CYTH2: variants seen among roughly 807,000 people sequenced by gnomAD.
CYTH2 encodes cytohesin-2.
CYTH2 carries 24 observed loss-of-function variants against 55.4 expected under a neutral mutation model. The observed-to-expected ratio is 0.43, with a 90% CI of 0.31 to 0.61. The LOEUF is 0.61. Among genes scored for constraint, CYTH2 ranks in the 20% least tolerant of loss-of-function variants. CYTH2 has a pLI of 0.08. For missense variants in CYTH2, 378 were observed against 533.5 expected (o/e 0.71, Z 2.87); for synonymous variants, 221 against 209.6 (o/e 1.05, Z -0.47).
intron 1 of CYTH2, 89 bp from the exon 2 acceptor site, chr19:48,470,264 C>T (rs1478197115): frequency 1.3e-5 from 20 of 1,514,252 alleles, no homozygotes; most frequent in Non-Finnish European, 1.6e-5. Context: ...CCTTACACAT[C>T]CTCTCCCAGC....
rs761211198 is a variant in CYTH2, at chr19:48,478,572, C to T, written c.1092C>T (p.Asp364=). 83 of 1,612,254 alleles carry T rather than the reference C, an allele frequency of 5.1e-5. No homozygotes were observed. The highest frequency in any genetic ancestry group is 1.8e-4 in the East Asian group (8 of 44,776). ...CGGCCCCCACGCAGGAGGAGAAGGA[C>T]GAGTGGATCAAGTCCATCCAGTGAG... ...RISAPTQEEK[D]EWIKSIQAAV... Residue 364 remains aspartate, a synonymous_variant, in exon 11 of 12, where the codon GAC becomes GAT. Transcript: ENST00000452733.
At position 48,477,779 on chromosome 19, in the gene CYTH2, C is replaced by T. The variant is rs185165136; in HGVS notation, c.809-290C>T. 1.3e-3 allele frequency: 593 copies of T among 453,738 alleles called. 6 individuals carry two copies. Among genetic ancestry groups the T allele is most frequent in the African/African-American group, 0.011 (545 of 51,312 alleles). The allele number at this position is 453,738 out of a possible 1,614,324, so 28.1% of individuals were successfully genotyped here. On this transcript the variant is annotated intron_variant, in intron 8 of 11. Transcript: ENST00000452733. ...AGACGAGGGGAGGGGGCTGCCCTGG[C>T]GCCCTGGCGCCCTGGCCTCCTGCCC... is the stretch of plus-strand genomic sequence containing the variant.
chr19:48,476,395 A>G (rs1307318165), intron 8 of CYTH2: 2 of 167,032 alleles, frequency 1.2e-5, no homozygotes, highest in Admixed American at 6.3e-5. Flanking sequence ...ACAGAGCGAG[A>G]CCCCGTCTCT....
Position 48,474,147 on chromosome 19 carries a change from G to A in CYTH2, c.548-35G>A, listed in dbSNP as rs1465038907. The stretch of plus-strand genomic sequence containing the variant: ...GAATGGGGGCACTGGGGACTGACAT[G>A]CCTGGGTCGTCACCACCTGCCCTGT... On this transcript the variant is annotated intron_variant, in intron 6 of 11. Coordinates refer to ENST00000452733, the MANE Select transcript of CYTH2 (RefSeq NM_004228.7). This position sits in a 1 kb window ranked among gnomAD's most constrained non-coding sequence, Gnocchi z 4.9. 2 of 1,560,188 alleles carry A rather than the reference G, an allele frequency of 1.3e-6. No homozygotes were observed. The highest frequency in any genetic ancestry group is 3.7e-5 in the Admixed American group (2 of 53,622).
rs746993025 is a variant in CYTH2, at chr19:48,474,329, G to A, written c.695G>A (p.Arg232Lys). 22 of 1,594,168 alleles carry A rather than the reference G, an allele frequency of 1.4e-5. 3 individuals are homozygous for A. In the South Asian group the frequency reaches 2.4e-4, roughly 17 times the overall value. ...EGGDLPEELL[R>K]NLYDSIRNEP... The stretch of plus-strand genomic sequence containing the variant: ...GGGGACCTGCCTGAGGAGCTGCTCA[G>A]GGTCAGTCCCCCTTCCCTGCCCCTC... The change falls in exon 7 of 12, where the codon AGG (arginine) becomes AAG (lysine). Residue 232 changes from arginine to lysine, a missense_variant and splice_region_variant. Physicochemically the swap from Arg to Lys is conservative, Grantham distance 26. Coordinates refer to ENST00000452733, the MANE Select transcript of CYTH2 (RefSeq NM_004228.7). This position sits in a 1 kb window ranked among gnomAD's most constrained non-coding sequence, Gnocchi z 4.9.
chr19:48,472,904 G>A (rs575448307), intron 4 of CYTH2: 50 of 309,696 alleles, frequency 1.6e-4, no homozygotes, highest in South Asian at 1.3e-3. Flanking sequence ...ATCTGTGGAC[G>A]TCTGGGAATC....
chr19:48,474,492 C>A lies in CYTH2; in HGVS notation c.696+162C>A, dbSNP rs1971869442. ...TCTTTTTCTCTCTCTCTGGGTGCTT[C>A]TCTTCTTGACTGTCTCTCTCAGGCT... is the stretch of plus-strand genomic sequence containing the variant. On this transcript the variant is annotated intron_variant, in intron 7 of 11. Transcript: ENST00000452733. The surrounding 1 kb of genome is among the most constrained non-coding windows in gnomAD (Gnocchi z 4.9). 2.0e-5 allele frequency among the ~76,000 whole-genome samples: 3 copies of A among 152,126 alleles called. No homozygotes were observed. Among genetic ancestry groups the A allele is most frequent in the African/African-American group, 7.2e-5 (3 of 41,432 alleles).
chr19:48,471,356 T>G (rs1316928585), intron 3 of CYTH2, among the ~76,000 whole-genome samples: 1 of 152,214 alleles, frequency 6.6e-6, no homozygotes, highest in East Asian at 1.9e-4. Context: ...TTCACCATGT[T>G]GGCCAGGCTG....
At chr19:48,477,971 C>T (rs1466869646) in intron 8 of CYTH2, 98 bp from the exon 9 acceptor site, 2 of 961,140 alleles carry the variant, frequency 2.1e-6, no homozygotes, top group African/African-American at 3.3e-5. Context: ...AGGAGCCCCA[C>T]CTCTACCGCT....
Position 48,469,512 on chromosome 19 carries a change from A to G in CYTH2, c.5A>G (p.Glu2Gly), listed in dbSNP as rs1414415004. Residue 2 changes from glutamate to glycine, a missense_variant, in exon 1 of 12, where the codon GAG becomes GGG. Glu to Gly is a moderately conservative substitution (Grantham distance 98, BLOSUM62 -2). Coordinates refer to ENST00000452733, the MANE Select transcript of CYTH2 (RefSeq NM_004228.7). ...CCGCGGGCCTTCCTAGCCGCCATGG[A>G]GGACGGCGTCTATGGTAGGTCGGGG... Reference protein sequence around the residue: MEDGVYEPPDLT... With the variant: MGDGVYEPPDLT... 1.5e-6 allele frequency: 2 copies of G among 1,327,734 alleles called. No individual in the cohort carries two copies. The highest frequency in any genetic ancestry group is 1.9e-6 in the Non-Finnish European group (2 of 1,030,688). 82.2% of individuals were successfully genotyped at this position (1,327,734 alleles called of 1,614,324 possible).
In CYTH2 at chr19:48,474,563, G is replaced by A. The variant is rs1459596495; in HGVS notation, c.696+233G>A. On this transcript the variant is annotated intron_variant, in intron 7 of 11. Coordinates refer to ENST00000452733, the MANE Select transcript of CYTH2 (RefSeq NM_004228.7). This position sits in a 1 kb window ranked among gnomAD's most constrained non-coding sequence, Gnocchi z 4.9. The stretch of plus-strand genomic sequence containing the variant: ...CTGTCTGTCTTCTCTGTCTCTGGCT[G>A]TTGGGCTTTCCGGCCCTCGATTGGC... Among the ~76,000 whole-genome samples, 2 of 152,146 alleles carry A rather than the reference G, an allele frequency of 1.3e-5. No individual in the cohort carries two copies. The highest frequency in any genetic ancestry group is 4.8e-5 in the African/African-American group (2 of 41,432).
chr19:48,474,344 C>G lies in CYTH2; in HGVS notation c.696+14C>G. 6.4e-7 allele frequency: 1 copy of G among 1,573,856 alleles called. No homozygotes were observed. The highest frequency in any genetic ancestry group is 2.3e-5 in the East Asian group (1 of 44,416). ...GAGCTGCTCAGGGTCAGTCCCCCTTCCCTGCCCCTCAGCCCTGCCCCTCTT... is the reference window on the plus strand; with the variant it reads ...GAGCTGCTCAGGGTCAGTCCCCCTTGCCTGCCCCTCAGCCCTGCCCCTCTT... On this transcript the variant is annotated intron_variant, in intron 7 of 11. Transcript: ENST00000452733. The surrounding 1 kb of genome is among the most constrained non-coding windows in gnomAD (Gnocchi z 4.9).
Position 48,475,000 on chromosome 19 carries a change from G to A in CYTH2, c.808+51G>A. On this transcript the variant is annotated intron_variant, in intron 8 of 11. Transcript: ENST00000452733. This position sits in a 1 kb window ranked among gnomAD's most constrained non-coding sequence, Gnocchi z 4.9. ...TCCCTCCGCAGGAGGACATTTGTGG[G>A]CCTGGGCCCTGGACTCAGCTTCCGC... 6.4e-7 allele frequency: 1 copy of A among 1,556,104 alleles called. No homozygotes were observed. Among genetic ancestry groups the A allele is most frequent in the Non-Finnish European group, 8.8e-7 (1 of 1,134,722 alleles).
chr19:48,478,450 C>CTT lies in CYTH2; in HGVS notation c.972_973dup (p.Tyr325PhefsTer51). On this transcript the variant is annotated frameshift_variant, in exon 11 of 12. Transcript: ENST00000452733. LOFTEE classifies it high-confidence loss of function. ...CTCTCGTCCCCAGAACTGCTTTGAA[C>CTT]TTTACATCCCCAACAACAAGGGGCA... The CTT allele has an allele frequency of 6.2e-7, 1 of 1,614,068 alleles. No homozygotes were observed. Among genetic ancestry groups the CTT allele is most frequent in the Non-Finnish European group, 8.5e-7 (1 of 1,179,958 alleles).
chr19:48,479,060 G>C (rs1476747841), intron 11 of CYTH2, 63 bp from the exon 12 acceptor site: 1 of 1,520,874 alleles, frequency 6.6e-7, no homozygotes, highest in Non-Finnish European at 9.1e-7. Context: ...CTGGGTATGA[G>C]GGAGGAGGGG....
Position 48,474,436 on chromosome 19 carries a change from A to G in CYTH2, c.696+106A>G. On this transcript the variant is annotated intron_variant, in intron 7 of 11. Transcript: ENST00000452733. The surrounding 1 kb of genome is among the most constrained non-coding windows in gnomAD (Gnocchi z 4.9). ...CCCAAGCTGTCTGCCCTCACCCCCA[A>G]GATGGTGCGATCATGCCAACTCGTG... 2 of 1,225,968 alleles carry G rather than the reference A, an allele frequency of 1.6e-6. No homozygotes were observed. The highest frequency in any genetic ancestry group is 2.2e-6 in the Non-Finnish European group (2 of 900,634). The allele number at this position is 1,225,968 out of a possible 1,614,324, so 75.9% of individuals were successfully genotyped here. A position where few individuals can be genotyped will look rare whatever the true frequency, so the allele number is the denominator to read the frequency against.
At chr19:48,473,803 A>C in intron 5 of CYTH2, 102 bp from the exon 6 acceptor site, 4 of 895,120 alleles carry the variant, frequency 4.5e-6, no homozygotes, top group South Asian at 1.7e-5. Flanking sequence ...CTGAGGCCGG[A>C]AGGTCGGGAT....
intron 8 of CYTH2, chr19:48,476,926 T>C (rs1340871641): frequency 6.6e-6 from 1 of 152,216 alleles, no homozygotes; most frequent in Non-Finnish European, 1.5e-5. Flanking sequence ...ACTTTCCCAT[T>C]TCCCAGAGGC....
intron 4 of CYTH2, 102 bp from the exon 5 acceptor site, chr19:48,473,196 T>G: frequency 7.9e-7 from 1 of 1,272,438 alleles, no homozygotes; most frequent in Non-Finnish European, 1.1e-6. Context: ...AGTGGGCAGC[T>G]GTGGTGCAGT....
Sources: gnomAD v4.1 joint callset for allele counts (sites outside exome capture counted in the v4.1 genomes callset) on GRCh38, gnomAD v4.1.1 for gene constraint, Gnocchi (gnomAD v3.1) non-coding constraint, MANE v1.5 for transcripts, NCBI Gene and HGNC (gene_info 2026-07-23, HGNC 2026-07-21) for gene names.